SSTR2: variants seen among roughly 807,000 people sequenced by gnomAD.
SSTR2 encodes somatostatin receptor type 2.
A neutral mutation model predicts 21.4 loss-of-function variants in SSTR2; 10 were observed. The observed-to-expected ratio is 0.47, with a 90% confidence interval of 0.29 to 0.79. The LOEUF is 0.79. SSTR2 is among the 30% of genes least tolerant of loss of function. The probability of loss-of-function intolerance (pLI) is 0.10; values close to 1 mark genes in which losing one functional copy is unlikely to be tolerated. For synonymous variants in SSTR2, 177 were observed against 181.3 expected (o/e 0.98, Z 0.19); for missense variants, 364 against 468.8 (o/e 0.78, Z 2.06).
Position 73,170,212 on chromosome 17 carries a change from T to C in SSTR2, c.893T>C (p.Val298Ala), listed in dbSNP as rs771989316. ...CTTAAAGGCATGTTTGACTTTGTGG[T>C]GGTCCTCACCTATGCTAACAGCTGT... ...PALKGMFDFV[V>A]VLTYANSCAN... Residue 298 changes from valine (V) to alanine (A), a missense_variant, in exon 2 of 2, where the codon GTG (valine) becomes GCG (alanine). By Grantham distance (64) the Val-to-Ala change is moderately conservative (BLOSUM62 0). Transcript: ENST00000357585. 2 of 1,614,134 alleles carry C rather than the reference T, an allele frequency of 1.2e-6. No homozygotes were observed. The highest frequency in any genetic ancestry group is 2.2e-5 in the South Asian group (2 of 91,080).
At chr17:73,168,690 G>A (rs564470799) in intron 1 of SSTR2, among the ~76,000 whole-genome samples, 3 of 152,300 alleles carry the variant, frequency 2.0e-5, no homozygotes, top group East Asian at 1.9e-4. Flanking sequence ...ACGCCCCCAT[G>A]TGAAGAAATA....
Position 73,174,139 on chromosome 17 carries a change from A to AC in SSTR2, c.*3710_*3711insC, listed in dbSNP as rs2061243080. 1 of 151,834 alleles carries AC rather than the reference A, an allele frequency of 6.6e-6. No individual in the cohort carries two copies. 9.4% of individuals were successfully genotyped at this position (151,834 alleles called of 1,614,324 possible). On this transcript the variant is annotated 3_prime_UTR_variant, in exon 2 of 2. Transcript: ENST00000357585. ...ACAAGACTCCATCTCAAAAAAAAAA[A>AC]AAAAAGGAAGAAGAAAAAGAAACTT...
rs1329043341 is a variant in SSTR2, at chr17:73,176,197, G to A, written c.*5768G>A. On this transcript the variant is annotated 3_prime_UTR_variant, in exon 2 of 2. Coordinates refer to ENST00000357585, the MANE Select transcript of SSTR2 (RefSeq NM_001050.3). Reference sequence around the variant, plus strand: ...AGTAGGCTGGGCTATCAGTTCCTGGGAGGGGTCCTGTCCCCATGTAAGGGG... The same window carrying A: ...AGTAGGCTGGGCTATCAGTTCCTGGAAGGGGTCCTGTCCCCATGTAAGGGG... 1 of 152,218 alleles carries A rather than the reference G, an allele frequency of 6.6e-6. No homozygotes were observed. Among genetic ancestry groups the A allele is most frequent in the Non-Finnish European group, 1.5e-5 (1 of 68,038 alleles). 9.4% of individuals were successfully genotyped at this position (152,218 alleles called of 1,614,324 possible). A position where few individuals can be genotyped will look rare whatever the true frequency, so the allele number is the denominator to read the frequency against.
rs563624152 is a variant in SSTR2 at position 73,174,309 on chromosome 17, A to G, written c.*3880A>G. ...CTTACACAAATTTAACCTTCTCTCC[A>G]TGATGGAATACAAGTGTTTCTTGCC... On this transcript the variant is annotated 3_prime_UTR_variant, in exon 2 of 2. Transcript: ENST00000357585. The G allele has an allele frequency of 2.6e-5, 4 of 152,340 alleles. No homozygotes were observed. In the East Asian group the frequency reaches 7.7e-4, roughly 29 times the overall value. The allele number at this position is 152,340 out of a possible 1,614,324, so 9.4% of individuals were successfully genotyped here.
chr17:73,169,275 A>G lies in SSTR2; in HGVS notation c.-45A>G. ...TCCAGGGTCCATTAAGGTGAGAATA[A>G]GATCTCTGGGCTGGCTGGAACTAGC... On this transcript the variant is annotated 5_prime_UTR_variant, in exon 2 of 2. Coordinates refer to ENST00000357585, the MANE Select transcript of SSTR2 (RefSeq NM_001050.3). The surrounding 1 kb of genome is among the most constrained non-coding windows in gnomAD (Gnocchi z 5.2). The G allele has an allele frequency of 1.3e-6, 2 of 1,575,326 alleles. No individual in the cohort carries two copies. Among genetic ancestry groups the G allele is most frequent in the Non-Finnish European group, 1.7e-6 (2 of 1,160,630 alleles).
chr17:73,169,617 G>A lies in SSTR2; in HGVS notation c.298G>A (p.Ala100Thr). The A allele has an allele frequency of 1.9e-6, 3 of 1,614,246 alleles. No individual in the cohort carries two copies. The highest frequency in any genetic ancestry group is 2.5e-6 in the Non-Finnish European group (3 of 1,180,052). ...ELFMLGLPFLAMQVALVHWPF... is the reference protein window; with the variant it reads ...ELFMLGLPFLTMQVALVHWPF... ...CTTCATGCTGGGTCTGCCTTTCTTG[G>A]CTATGCAGGTGGCTCTGGTCCACTG... is the stretch of plus-strand genomic sequence containing the variant. The change falls in exon 2 of 2, where the codon GCT becomes ACT. Residue 100 changes from alanine (A) to threonine (T), a missense_variant. Ala to Thr is a moderately conservative substitution (Grantham distance 58, BLOSUM62 0). This residue lies in a region of SSTR2 where 25 missense variants were observed against 66.4 expected (regional missense o/e 0.38). Coordinates refer to ENST00000357585, the MANE Select transcript of SSTR2 (RefSeq NM_001050.3). This position sits in a 1 kb window ranked among gnomAD's most constrained non-coding sequence, Gnocchi z 5.2.
At position 73,170,329 on chromosome 17, in the gene SSTR2, A is replaced by G. The variant is rs747067650; in HGVS notation, c.1010A>G (p.Asp337Gly). The G allele has an allele frequency of 6.2e-7, 1 of 1,613,966 alleles. No individual in the cohort carries two copies. Among genetic ancestry groups the G allele is most frequent in the Admixed American group, 1.7e-5 (1 of 59,990 alleles). The stretch of plus-strand genomic sequence containing the variant: ...TTGGTCAAGGTGAGCGGCACAGATG[A>G]TGGGGAGCGGAGTGACAGTAAGCAG... The part of the protein sequence containing the change: ...LCLVKVSGTD[D>G]GERSDSKQDK... The change falls in exon 2 of 2, where the codon GAT becomes GGT. Residue 337 changes from aspartate (D) to glycine (G), a missense_variant. By Grantham distance (94) the Asp-to-Gly change is moderately conservative (BLOSUM62 -1). Transcript: ENST00000357585.
rs573212725 is a variant in SSTR2, at chr17:73,169,264, A to G, written c.-56A>G. 3.7e-5 allele frequency: 57 copies of G among 1,555,214 alleles called. No individual in the cohort carries two copies. In the African/African-American group the frequency reaches 7.3e-4, roughly 20 times the overall value. The stretch of plus-strand genomic sequence containing the variant: ...GATCCTTGGCCTCCAGGGTCCATTA[A>G]GGTGAGAATAAGATCTCTGGGCTGG... On this transcript the variant is annotated 5_prime_UTR_variant, in exon 2 of 2. Transcript: ENST00000357585. This position sits in a 1 kb window ranked among gnomAD's most constrained non-coding sequence, Gnocchi z 5.2.
In SSTR2 at chr17:73,171,921, C is replaced by CAAAAA. The variant is rs61493168; in HGVS notation, c.*1524_*1528dup. 1 of 17,968 alleles carries CAAAAA rather than the reference C, an allele frequency of 5.6e-5. No individual in the cohort carries two copies. Among genetic ancestry groups the CAAAAA allele is most frequent in the African/African-American group, 2.0e-4 (1 of 4,932 alleles). 1.1% of individuals were successfully genotyped at this position (17,968 alleles called of 1,614,324 possible). On this transcript the variant is annotated 3_prime_UTR_variant, in exon 2 of 2. Coordinates refer to ENST00000357585, the MANE Select transcript of SSTR2 (RefSeq NM_001050.3). ...GAGCAACAAGAGCAAAACTCAGTCT[C>CAAAAA]AAAAAAAAAAAAAAAAAAAAAAAAA...
At position 73,166,649 on chromosome 17, in the gene SSTR2, ATTCT is replaced by A. The variant is rs200896638; in HGVS notation, c.-93+1366_-93+1369del. 5.7e-3 allele frequency among the ~76,000 whole-genome samples: 873 copies of A among 152,326 alleles called. 8 individuals carry two copies. Among genetic ancestry groups the A allele is most frequent in the African/African-American group, 0.02 (823 of 41,562 alleles). ...AGAATTGTCTGCCTGGCATTGGAAT[ATTCT>A]TTCTCTGAAACAAAAATGAAACAGA... On this transcript the variant is annotated intron_variant, in intron 1 of 1. Coordinates refer to ENST00000357585, the MANE Select transcript of SSTR2 (RefSeq NM_001050.3).
intron 1 of SSTR2, 49 bp downstream of exon 1, chr17:73,165,337 A>T (rs2061212513): frequency 1.6e-5 from 2 of 126,238 alleles, no homozygotes; most frequent in African/African-American, 3.5e-5. Flanking sequence ...TGTGTGTGTG[A>T]TAAGAGAGAT....
At chr17:73,167,941 A>C (rs1380522935) in intron 1 of SSTR2, 5 of 152,240 alleles carry the variant, frequency 3.3e-5, no homozygotes, top group African/African-American at 7.2e-5. Flanking sequence ...AAGCCAAGCC[A>C]ATAGTGCTCC....
chr17:73,166,203 C>T (rs1231362678), intron 1 of SSTR2, among the ~76,000 whole-genome samples: 1 of 152,250 alleles, frequency 6.6e-6, no homozygotes, highest in African/African-American at 2.4e-5. Flanking sequence ...CAGGCGCTCA[C>T]GCGCCGCGGT....
chr17:73,167,168 A>G (rs552953406), intron 1 of SSTR2, among the ~76,000 whole-genome samples: 1 of 152,348 alleles, frequency 6.6e-6, no homozygotes, highest in Admixed American at 6.5e-5. Flanking sequence ...AAGTTAATCC[A>G]GGGATACTAA....
In SSTR2 at chr17:73,169,569, A is replaced by C; in HGVS notation, c.250A>C (p.Asn84His). 1.2e-6 allele frequency: 2 copies of C among 1,614,222 alleles called. No individual in the cohort carries two copies. The change falls in exon 2 of 2, where the codon AAC becomes CAC. Residue 84 changes from asparagine (N) to histidine (H), a missense_variant. By Grantham distance (68) the Asn-to-His change is moderately conservative. Coordinates refer to ENST00000357585, the MANE Select transcript of SSTR2 (RefSeq NM_001050.3). The surrounding 1 kb of genome is among the most constrained non-coding windows in gnomAD (Gnocchi z 5.2). ...MKTITNIYIL[N>H]LAIADELFML... is the part of the protein sequence containing the mutation. ...GACCATCACCAACATTTACATCCTC[A>C]ACCTGGCCATCGCAGATGAGCTCTT...
At position 73,171,295 on chromosome 17, in the gene SSTR2, A is replaced by G. The variant is rs1026363097; in HGVS notation, c.*866A>G. 1.8e-5 allele frequency: 3 copies of G among 166,664 alleles called. No individual in the cohort carries two copies. In the Admixed American group the frequency reaches 2.0e-4, roughly 11 times the overall value. 10.3% of individuals were successfully genotyped at this position (166,664 alleles called of 1,614,324 possible). On this transcript the variant is annotated 3_prime_UTR_variant, in exon 2 of 2. Transcript: ENST00000357585. ...AGTGGTTGTGGTCATCCATCATTGT[A>G]TTTATCAAGACAAAGCCAACTTTGT...
chr17:73,171,738 T>C lies in SSTR2; in HGVS notation c.*1309T>C, dbSNP rs532201405. On this transcript the variant is annotated 3_prime_UTR_variant, in exon 2 of 2. Coordinates refer to ENST00000357585, the MANE Select transcript of SSTR2 (RefSeq NM_001050.3). ...GAGTTCGAGACCAGCCTGGCCAACA[T>C]GGTGAAACCCCATCACTACTAAAAA... 8 of 154,392 alleles carry C rather than the reference T, an allele frequency of 5.2e-5. No homozygotes were observed. The highest frequency in any genetic ancestry group is 1.0e-4 in the Non-Finnish European group (7 of 67,964). The allele number at this position is 154,392 out of a possible 1,614,324, so 9.6% of individuals were successfully genotyped here. A position where few individuals can be genotyped will look rare whatever the true frequency, so the allele number is the denominator to read the frequency against.
Position 73,171,901 on chromosome 17 carries a change from A to G in SSTR2, c.*1472A>G, listed in dbSNP as rs2061236407. 1 of 139,324 alleles carries G rather than the reference A, an allele frequency of 7.2e-6. No homozygotes were observed. Among genetic ancestry groups the G allele is most frequent in the Non-Finnish European group, 1.5e-5 (1 of 66,120 alleles). The allele number at this position is 139,324 out of a possible 1,614,324, so 8.6% of individuals were successfully genotyped here. ...GTGCCACTGCACTCTAGCCTGAGCA[A>G]CAAGAGCAAAACTCAGTCTCAAAAA... On this transcript the variant is annotated 3_prime_UTR_variant, in exon 2 of 2. Transcript: ENST00000357585.
intron 1 of SSTR2, among the ~76,000 whole-genome samples, chr17:73,166,279 C>T (rs997696061): frequency 4.6e-5 from 7 of 152,216 alleles, no homozygotes; most frequent in Admixed American, 2.0e-4. Context: ...GAGACCAAGC[C>T]GGGTTCTGCA....
Sources: allele counts gnomAD v4.1 joint callset (sites outside exome capture counted in the v4.1 genomes callset), GRCh38; gene constraint gnomAD v4.1.1; regional missense constraint gnomAD v4.1.1; non-coding constraint Gnocchi (gnomAD v3.1); transcripts MANE v1.5; gene names NCBI Gene and HGNC (gene_info 2026-07-23, HGNC 2026-07-21).